Variants in NPSR1 observed in about 807,000 individuals in gnomAD.
NPSR1 encodes neuropeptide S receptor.
In NPSR1, 48 loss-of-function variants were observed where a neutral mutation model predicts 46.9. The ratio of observed to expected loss-of-function variants is 1.02; its 90% CI spans 0.81 to 1.30. The LOEUF (loss-of-function observed/expected upper bound fraction) is 1.30, where lower values mean the gene tolerates loss of function less well. Among genes scored for constraint, NPSR1 ranks in the 50% most tolerant of loss-of-function variants. The probability of loss-of-function intolerance (pLI) is 0.00; values close to 1 mark genes in which losing one functional copy is unlikely to be tolerated. For synonymous variants in NPSR1, 176 were observed against 168.1 expected (o/e 1.05, Z -0.36); for missense variants, 450 against 449.5 (o/e 1.00, Z -0.01).
chr7:34,747,475 G>A (rs914241196), intron 2 of NPSR1, among the ~76,000 whole-genome samples: 2 of 152,196 alleles, frequency 1.3e-5, no homozygotes, highest in Non-Finnish European at 2.9e-5. Context: ...GACAAAGCCC[G>A]TGGCCCAAGA....
chr7:34,791,035 TATTATATTA>T (rs1244327306), intron 3 of NPSR1, among the ~76,000 whole-genome samples: 3 of 120,250 alleles, frequency 2.5e-5, no homozygotes, highest in African/African-American at 1.1e-4. Flanking sequence ...ATATGTTATA[TATTATATTA>T]TATATGTTAT....
rs145527120 is a variant in NPSR1 at position 34,685,935 on chromosome 7, G to T, written c.280+1251G>T. ...ATTTTTCACTCCTATAACCGTAGAA[G>T]TAGAGGTAATTAGGATCATCCAGCA... On this transcript the variant is annotated intron_variant, in intron 2 of 8. Coordinates refer to ENST00000360581, the MANE Select transcript of NPSR1 (RefSeq NM_207172.2). 4 of 215,928 alleles carry T rather than the reference G, an allele frequency of 1.9e-5. No homozygotes were observed. The Admixed American group carries it at 2.2e-4, about 12-fold the overall frequency. The allele number at this position is 215,928 out of a possible 1,614,324, so 13.4% of individuals were successfully genotyped here.
intron 2 of NPSR1, among the ~76,000 whole-genome samples, chr7:34,736,342 G>A (rs1424685869): frequency 2.0e-5 from 3 of 152,108 alleles, no homozygotes; most frequent in African/African-American, 4.8e-5. Flanking sequence ...CAGGTACTAT[G>A]CTATACTCAT....
At chr7:34,876,465 G>T (rs1791576341) in intron 8 of NPSR1, among the ~76,000 whole-genome samples, 1 of 152,158 alleles carries the variant, frequency 6.6e-6, no homozygotes, top group African/African-American at 2.4e-5. Context: ...AATTCAGAAA[G>T]AACTAAAAAT....
chr7:34,829,406 G>A (rs1266263999), intron 5 of NPSR1, among the ~76,000 whole-genome samples: 1 of 152,294 alleles, frequency 6.6e-6, no homozygotes, highest in East Asian at 1.9e-4. Context: ...AGGTTATTTA[G>A]ACAACTATCC....
chr7:34,840,571 G>C (rs1296877037), intron 6 of NPSR1, among the ~76,000 whole-genome samples: 1 of 152,182 alleles, frequency 6.6e-6, no homozygotes, highest in Admixed American at 6.5e-5. Flanking sequence ...CACAGCCCAG[G>C]GACAGAACTG....
In NPSR1 at chr7:34,658,279, T is replaced by C. The variant is rs1445621382; in HGVS notation, c.-134T>C. On this transcript the variant is annotated 5_prime_UTR_variant, in exon 1 of 9. Transcript: ENST00000360581. ...CCTGTCATCAGGCAGAGCTCTTCAG[T>C]GAGGTGGGCTCAGGGAGGGCTCTGT... The C allele has an allele frequency of 2.3e-6, 2 of 879,272 alleles. No homozygotes were observed. The highest frequency in any genetic ancestry group is 3.5e-6 in the Non-Finnish European group (2 of 571,982). 54.5% of individuals were successfully genotyped at this position (879,272 alleles called of 1,614,324 possible).
chr7:34,732,841 T>G (rs77848056), intron 2 of NPSR1, among the ~76,000 whole-genome samples: 3,059 of 152,222 alleles, frequency 0.02, 44 homozygotes, highest in Non-Finnish European at 0.033. Context: ...ACAAAATGAG[T>G]AGCCACAAAG....
intron 8 of NPSR1, among the ~76,000 whole-genome samples, chr7:34,869,738 C>T (rs1791406202): frequency 6.6e-6 from 1 of 151,758 alleles, no homozygotes; most frequent in African/African-American, 2.4e-5. Context: ...AACCAAAGAC[C>T]AAAAGTCCCT....
chr7:34,669,653 CAAT>C (rs916756812), intron 1 of NPSR1, among the ~76,000 whole-genome samples: 2 of 152,042 alleles, frequency 1.3e-5, no homozygotes, highest in Non-Finnish European at 2.9e-5. Flanking sequence ...CAGAGCATTA[CAAT>C]ATTACCTCTA....
intron 2 of NPSR1, among the ~76,000 whole-genome samples, chr7:34,763,964 A>C (rs868018842): frequency 6.6e-6 from 1 of 152,200 alleles, no homozygotes; most frequent in Non-Finnish European, 1.5e-5. Context: ...AGATGCAACT[A>C]TGAAAGATGA....
At chr7:34,797,179 G>C (rs374210414) in intron 3 of NPSR1, among the ~76,000 whole-genome samples, 1 of 152,120 alleles carries the variant, frequency 6.6e-6, no homozygotes, top group African/African-American at 2.4e-5. Context: ...TGGTTGCCAG[G>C]GCTTGGGGAG....
At chr7:34,789,740 CA>C (rs751424409) in intron 3 of NPSR1, among the ~76,000 whole-genome samples, 2,739 of 45,196 alleles carry the variant, frequency 0.061, 21 homozygotes, top group East Asian at 0.18. Flanking sequence ...TTGCAGTGCG[CA>C]AAAAAAAAAA....
At chr7:34,877,020 C>T (rs563137430) in intron 8 of NPSR1, among the ~76,000 whole-genome samples, 8 of 152,186 alleles carry the variant, frequency 5.3e-5, no homozygotes, top group East Asian at 3.9e-4. Context: ...GCCTGCCCCC[C>T]ACTCCTGGAC....
intron 8 of NPSR1, among the ~76,000 whole-genome samples, chr7:34,873,058 A>T (rs1385971516): frequency 6.6e-6 from 1 of 151,812 alleles, no homozygotes; most frequent in Non-Finnish European, 1.5e-5. Context: ...TTAAGTTCAA[A>T]CTTCTATAGA....
At chr7:34,795,768 A>G (rs905175043) in intron 3 of NPSR1, among the ~76,000 whole-genome samples, 12 of 152,140 alleles carry the variant, frequency 7.9e-5, no homozygotes, top group African/African-American at 2.9e-4. Flanking sequence ...AAAACTAAAT[A>G]AAGAGTTATT....
intron 2 of NPSR1, among the ~76,000 whole-genome samples, chr7:34,763,409 C>A (rs1295872269): frequency 6.6e-6 from 1 of 152,050 alleles, no homozygotes; most frequent in East Asian, 1.9e-4. Context: ...GGAAATTTAC[C>A]AAGCTGTTAC....
At chr7:34,687,604 G>A (rs1235814534) in intron 2 of NPSR1, among the ~76,000 whole-genome samples, 1 of 152,128 alleles carries the variant, frequency 6.6e-6, no homozygotes, top group East Asian at 1.9e-4. Flanking sequence ...ACAGCATAGG[G>A]AAACCGCCCT....
chr7:34,750,519 C>T (rs1785465278), intron 2 of NPSR1: 1 of 702,704 alleles, frequency 1.4e-6, no homozygotes, highest in Non-Finnish European at 2.7e-6. Context: ...GCTGTTGGGG[C>T]TCTCTGGCTA....
Sources: gnomAD v4.1 joint callset for allele counts (sites outside exome capture counted in the v4.1 genomes callset) on GRCh38, gnomAD v4.1.1 for gene constraint, MANE v1.5 for transcripts, NCBI Gene and HGNC (gene_info 2026-07-23, HGNC 2026-07-21) for gene names.